TMEM132D: variants seen among roughly 807,000 people sequenced by gnomAD.
The protein encoded by TMEM132D is transmembrane protein 132D.
TMEM132D carries 21 observed loss-of-function variants against 62.3 expected under a neutral mutation model. The ratio of observed to expected loss-of-function variants is 0.34; its 90% CI spans 0.24 to 0.49. The LOEUF is 0.49. TMEM132D is among the 20% of genes least tolerant of loss of function. TMEM132D has a pLI of 0.99. For synonymous variants in TMEM132D, 621 were observed against 575.6 expected (o/e 1.08, Z -1.13); for missense variants, 1,346 against 1,402.8 (o/e 0.96, Z 0.65).
At chr12:129,456,073 G>T (rs1342791840) in intron 3 of TMEM132D, among the ~76,000 whole-genome samples, 1 of 152,142 alleles carries the variant, frequency 6.6e-6, no homozygotes, top group African/African-American at 2.4e-5. Flanking sequence ...TGGATGGGCA[G>T]GTAGGATATT....
intron 4 of TMEM132D, among the ~76,000 whole-genome samples, chr12:129,285,045 T>A (rs1881251336): frequency 6.6e-6 from 1 of 152,190 alleles, no homozygotes; most frequent in South Asian, 2.1e-4. Context: ...TCAATGTTAA[T>A]TTGATGTTAT....
intron 5 of TMEM132D, among the ~76,000 whole-genome samples, chr12:129,148,835 C>A (rs1442381161): frequency 6.6e-6 from 1 of 151,788 alleles, no homozygotes; most frequent in South Asian, 2.1e-4. Context: ...CGCCCCCACC[C>A]TCCCCAAGAG....
At chr12:129,410,053 C>A (rs141645298) in intron 3 of TMEM132D, among the ~76,000 whole-genome samples, 1 of 152,332 alleles carries the variant, frequency 6.6e-6, no homozygotes, top group African/African-American at 2.4e-5. Context: ...CCTTCTGGAG[C>A]ACTGCTACCC....
chr12:129,572,544 G>A (rs1877545301), intron 2 of TMEM132D, among the ~76,000 whole-genome samples: 1 of 152,192 alleles, frequency 6.6e-6, no homozygotes, highest in Non-Finnish European at 1.5e-5. Flanking sequence ...CGCCTCCTGG[G>A]TTCAAGCAAT....
At chr12:129,681,183 A>G (rs1214711101) in intron 2 of TMEM132D, among the ~76,000 whole-genome samples, 1 of 152,200 alleles carries the variant, frequency 6.6e-6, no homozygotes, top group Non-Finnish European at 1.5e-5. Context: ...TCTTCTTGCA[A>G]GTGGGGCTGA....
intron 3 of TMEM132D, among the ~76,000 whole-genome samples, chr12:129,516,844 G>T (rs1328486368): frequency 6.6e-6 from 1 of 152,190 alleles, no homozygotes; most frequent in African/African-American, 2.4e-5. Context: ...GGCCAGGCTG[G>T]TTCTTTCTGG....
chr12:129,131,787 A>G (rs1443568547), intron 5 of TMEM132D, among the ~76,000 whole-genome samples: 1 of 152,212 alleles, frequency 6.6e-6, no homozygotes, highest in Admixed American at 6.5e-5. Context: ...AACTTCAGTA[A>G]AACCTGTTAG....
chr12:129,582,992 C>T (rs988531880), intron 2 of TMEM132D, among the ~76,000 whole-genome samples: 1 of 151,880 alleles, frequency 6.6e-6, no homozygotes, highest in Non-Finnish European at 1.5e-5. Flanking sequence ...TGCAGTGGCA[C>T]GAGCTCAGCT....
At chr12:129,209,214 G>A (rs932831980) in intron 5 of TMEM132D, among the ~76,000 whole-genome samples, 1 of 152,132 alleles carries the variant, frequency 6.6e-6, no homozygotes, top group Non-Finnish European at 1.5e-5. Context: ...GAGGGTAAGC[G>A]GGTCCCTGCC....
rs569602756 is a variant in TMEM132D at position 129,238,193 on chromosome 12, C to T, written c.1300-28530G>A. The stretch of plus-strand genomic sequence containing the variant: ...GGTGGATGGGTGCACACAGGCAAGA[C>T]GGCCCCAGACTTGTTGACATTTTTA... On this transcript the variant is annotated intron_variant, in intron 4 of 8. Coordinates refer to ENST00000422113, the MANE Select transcript of TMEM132D (RefSeq NM_133448.3). Among the ~76,000 whole-genome samples, 6 of 152,232 alleles carry T rather than the reference C, an allele frequency of 3.9e-5. No homozygotes were observed. In the South Asian group the frequency reaches 8.3e-4, roughly 21 times the overall value.
At chr12:129,296,918 C>A (rs540631266) in intron 4 of TMEM132D, among the ~76,000 whole-genome samples, 9 of 152,326 alleles carry the variant, frequency 5.9e-5, no homozygotes, top group African/African-American at 2.2e-4. Flanking sequence ...GAAGACAGTA[C>A]AAAGGAATGC....
At chr12:129,696,723 G>C (rs1333784667) in intron 2 of TMEM132D, among the ~76,000 whole-genome samples, 1 of 152,210 alleles carries the variant, frequency 6.6e-6, no homozygotes, top group Non-Finnish European at 1.5e-5. Context: ...CTCTCAGTGG[G>C]GGAGGGACAC....
At chr12:129,193,346 T>G (rs1392757568) in intron 5 of TMEM132D, among the ~76,000 whole-genome samples, 2 of 151,896 alleles carry the variant, frequency 1.3e-5, no homozygotes, top group East Asian at 3.9e-4. Flanking sequence ...TTTTTTTTTG[T>G]GGTCACAGAA....
chr12:129,116,916 C>T (rs1047359276), intron 5 of TMEM132D, among the ~76,000 whole-genome samples: 8 of 41,734 alleles, frequency 1.9e-4, no homozygotes, highest in Admixed American at 1.7e-3. Flanking sequence ...TGAAAATTTC[C>T]GCAAAAAAAA....
chr12:129,735,276 G>A (rs765064153), intron 1 of TMEM132D, among the ~76,000 whole-genome samples: 1 of 152,132 alleles, frequency 6.6e-6, no homozygotes, highest in Non-Finnish European at 1.5e-5. Context: ...CACCTGTCCT[G>A]CTCAACATTT....
chr12:129,274,756 G>A (rs956754266), intron 4 of TMEM132D, among the ~76,000 whole-genome samples: 15 of 152,126 alleles, frequency 9.9e-5, no homozygotes, highest in Admixed American at 2.0e-4. Context: ...GCGTGGTGGC[G>A]GGCGCCTGTG....
Position 129,315,489 on chromosome 12 carries a change from G to A in TMEM132D, c.1299+22145C>T, listed in dbSNP as rs1367945871. Among the ~76,000 whole-genome samples the A allele has an allele frequency of 2.0e-5, 3 of 152,216 alleles. No homozygotes were observed. The East Asian group carries it at 5.8e-4, about 29-fold the overall frequency. On this transcript the variant is annotated intron_variant, in intron 4 of 8. Transcript: ENST00000422113. ...TAAACCATCCCTGCATCCTTGCTAT[G>A]AAACCCACTTGATCATGGAGGATTA...
rs1294427357 is a variant in TMEM132D at position 129,404,456 on chromosome 12, C to A, written c.1116-66639G>T. ...AAGTGATTCACCCGCCTCAGCCTCC[C>A]AAAGTGCTGGGATTACAGGCGTGAG... is the stretch of plus-strand genomic sequence containing the variant. On this transcript the variant is annotated intron_variant, in intron 3 of 8. Coordinates refer to ENST00000422113, the MANE Select transcript of TMEM132D (RefSeq NM_133448.3). Among the ~76,000 whole-genome samples the A allele has an allele frequency of 2.0e-5, 3 of 152,230 alleles. No homozygotes were observed. The East Asian group carries it at 5.8e-4, about 29-fold the overall frequency.
At chr12:129,586,454 T>C (rs1004644932) in intron 2 of TMEM132D, among the ~76,000 whole-genome samples, 1 of 152,196 alleles carries the variant, frequency 6.6e-6, no homozygotes, top group Non-Finnish European at 1.5e-5. Context: ...ACTGGGTGGC[T>C]TACAAACAAC....
Sources: gnomAD v4.1 joint callset for allele counts (sites outside exome capture counted in the v4.1 genomes callset) on GRCh38, gnomAD v4.1.1 for gene constraint, MANE v1.5 for transcripts, NCBI Gene and HGNC (gene_info 2026-07-23, HGNC 2026-07-21) for gene names.